Variants in PTPRO observed in about 807,000 individuals in gnomAD.
PTPRO encodes protein tyrosine phosphatase receptor type O.
PTPRO carries 62 observed loss-of-function variants against 145.2 expected under a neutral mutation model. The observed-to-expected ratio is 0.43, with a 90% CI of 0.35 to 0.53. PTPRO has a LOEUF of 0.53. Among genes scored for constraint, PTPRO ranks in the 20% least tolerant of loss-of-function variants. The pLI is 0.01. For synonymous variants in PTPRO, 565 were observed against 514.7 expected, an observed-to-expected ratio of 1.10 and a Z score of -1.32; for missense variants, 1,345 against 1,482.7, an observed-to-expected ratio of 0.91 and a Z score of 1.53.
intron 1 of PTPRO, among the ~76,000 whole-genome samples, chr12:15,444,830 A>T (rs1476704178): frequency 6.6e-5 from 10 of 152,120 alleles, no homozygotes; most frequent in Admixed American, 2.0e-4. Context: ...TTTATAAGCT[A>T]TCTAGTCCAT....
Position 15,546,022 on chromosome 12 carries a change from A to T in PTPRO, c.2165-547A>T, listed in dbSNP as rs1274043251. Among the ~76,000 whole-genome samples the T allele has an allele frequency of 2.6e-5, 4 of 152,154 alleles. No individual in the cohort carries two copies. The East Asian group carries it at 7.7e-4, about 29-fold the overall frequency. ...AGAGTGAGACCCCCGCCTCAAAAAA[A>T]AAAAAAAATGATACTATCTGTTTAG... On this transcript the variant is annotated intron_variant, in intron 12 of 26. Coordinates refer to ENST00000281171, the MANE Select transcript of PTPRO (RefSeq NM_030667.3).
In PTPRO at chr12:15,508,558, T is replaced by G; in HGVS notation, c.1268-13T>G. On this transcript the variant is annotated splice_polypyrimidine_tract_variant and intron_variant, in intron 6 of 26. Transcript: ENST00000281171. ...CGTGCAGCCTCCCCTGTGTTCCAATTTGAAATGTGCAGGTCCTTCAGGAGA... is the reference window on the plus strand; with the variant it reads ...CGTGCAGCCTCCCCTGTGTTCCAATGTGAAATGTGCAGGTCCTTCAGGAGA... The G allele has an allele frequency of 6.2e-7, 1 of 1,613,536 alleles. No individual in the cohort carries two copies. The highest frequency in any genetic ancestry group is 8.5e-7 in the Non-Finnish European group (1 of 1,179,670).
chr12:15,524,042 C>T (rs1942784209), intron 10 of PTPRO, among the ~76,000 whole-genome samples: 1 of 151,818 alleles, frequency 6.6e-6, no homozygotes, highest in Non-Finnish European at 1.5e-5. Flanking sequence ...GCGATCCACC[C>T]ACCTCAGCTT....
At chr12:15,496,142 G>GTTTTTTTATTTTTTTTTTTTTTTTTT (rs1942099551) in intron 2 of PTPRO, among the ~76,000 whole-genome samples, 1 of 75,366 alleles carries the variant, frequency 1.3e-5, no homozygotes, top group African/African-American at 5.2e-5. Flanking sequence ...TTCTTTTTTT[G>GTTTTTTTATTTTTTTTTTTTTTTTTT]TTTTTTTTTT....
chr12:15,503,696 G>C (rs369375081), intron 5 of PTPRO, among the ~76,000 whole-genome samples: 11 of 152,082 alleles, frequency 7.2e-5, no homozygotes, highest in Admixed American at 7.2e-4. Flanking sequence ...TTTGAATGCC[G>C]TATTTGAGTT....
chr12:15,526,154 G>A lies in PTPRO; in HGVS notation c.2056G>A (p.Val686Ile). The stretch of plus-strand genomic sequence containing the variant: ...GATGATCTTGCAGGTAACACGCAAT[G>A]TCATGACTGCAATTCTCAGCTTGCC... ...KKIKKSVTRN[V>I]MTAILSLPPG... The change falls in exon 12 of 27, where the codon GTC becomes ATC. Residue 686 changes from valine to isoleucine, a missense_variant. This residue lies in a region of PTPRO where 1,130 missense variants were observed against 1,214.7 expected (regional missense o/e 0.93). Transcript: ENST00000281171. The A allele has an allele frequency of 6.2e-7, 1 of 1,613,994 alleles. No individual in the cohort carries two copies. The highest frequency in any genetic ancestry group is 8.5e-7 in the Non-Finnish European group (1 of 1,179,906).
intron 12 of PTPRO, among the ~76,000 whole-genome samples, chr12:15,533,804 T>C (rs1002640637): frequency 1.3e-5 from 2 of 152,164 alleles, no homozygotes; most frequent in African/African-American, 4.8e-5. Flanking sequence ...TGAATCAGAA[T>C]GCCATTGTTA....
chr12:15,401,061 C>T (rs1366826482), intron 1 of PTPRO, among the ~76,000 whole-genome samples: 1 of 152,128 alleles, frequency 6.6e-6, no homozygotes, highest in Non-Finnish European at 1.5e-5. Flanking sequence ...GGAATGCTTC[C>T]TATATGCCCA....
At chr12:15,398,952 T>TCCTACCTAATA (rs1939418317) in intron 1 of PTPRO, among the ~76,000 whole-genome samples, 1 of 152,078 alleles carries the variant, frequency 6.6e-6, no homozygotes, top group African/African-American at 2.4e-5. Context: ...TGGAATGAAT[T>TCCTACCTAATA]GGATAGTTAG....
At chr12:15,486,279 A>G (rs545631502) in intron 2 of PTPRO, among the ~76,000 whole-genome samples, 31 of 152,254 alleles carry the variant, frequency 2.0e-4, no homozygotes, top group African/African-American at 6.5e-4. Context: ...GACCCTTTTG[A>G]CTATATGTAA....
Position 15,515,677 on chromosome 12 carries a change from G to T in PTPRO, c.1585+59G>T, listed in dbSNP as rs1270809332. 7.5e-6 allele frequency: 12 copies of T among 1,603,280 alleles called. No individual in the cohort carries two copies. In the South Asian group the frequency reaches 1.1e-4, roughly 15 times the overall value. On this transcript the variant is annotated intron_variant, in intron 8 of 26. Transcript: ENST00000281171. ...TATATATTAGGGTATTGACGGAGGG[G>T]TGCAATGTGCGAGCTCAAATCATTA...
In PTPRO at chr12:15,587,053, T is replaced by C; in HGVS notation, c.3410+2T>C. On this transcript the variant is annotated splice_donor_variant, in intron 24 of 26. Transcript: ENST00000281171. LOFTEE classifies it high-confidence loss of function. The stretch of plus-strand genomic sequence containing the variant: ...AGGTCCCATGATCATTCACTGCAGG[T>C]AACCTCATCAACTGCATTTTCTATT... The C allele has an allele frequency of 6.2e-7, 1 of 1,614,038 alleles. No individual in the cohort carries two copies. Among genetic ancestry groups the C allele is most frequent in the Non-Finnish European group, 8.5e-7 (1 of 1,179,966 alleles).
At chr12:15,386,354 A>G (rs1463854704) in intron 1 of PTPRO, among the ~76,000 whole-genome samples, 1 of 152,204 alleles carries the variant, frequency 6.6e-6, no homozygotes, top group Non-Finnish European at 1.5e-5. Flanking sequence ...AACAAAAAAT[A>G]ACTTCTACTT....
intron 24 of PTPRO, among the ~76,000 whole-genome samples, chr12:15,587,942 A>G (rs1402405272): frequency 6.6e-6 from 1 of 152,222 alleles, no homozygotes; most frequent in Non-Finnish European, 1.5e-5. Context: ...ATATGTGTGC[A>G]TTCATGTGTG....
intron 1 of PTPRO, among the ~76,000 whole-genome samples, chr12:15,460,922 C>A (rs962206346): frequency 6.6e-5 from 10 of 152,104 alleles, no homozygotes; most frequent in Non-Finnish European, 1.3e-4. Flanking sequence ...CCCTTGTAAA[C>A]CAAAAATAAA....
intron 1 of PTPRO, among the ~76,000 whole-genome samples, chr12:15,382,645 A>G (rs1029774926): frequency 3.3e-5 from 5 of 152,234 alleles, no homozygotes; most frequent in Non-Finnish European, 7.3e-5. Context: ...ACAAAAGGCA[A>G]TATATTCATT....
intron 12 of PTPRO, among the ~76,000 whole-genome samples, chr12:15,530,258 T>A (rs1218664134): frequency 6.6e-6 from 1 of 152,186 alleles, no homozygotes; most frequent in Non-Finnish European, 1.5e-5. Flanking sequence ...AAGGAACAGA[T>A]AGACTTAATT....
intron 1 of PTPRO, among the ~76,000 whole-genome samples, chr12:15,396,460 G>A (rs61012911): frequency 0.031 from 4,646 of 150,704 alleles, 245 homozygotes; most frequent in African/African-American, 0.11. Flanking sequence ...AATTAAATTG[G>A]AGTTATTGAA....
chr12:15,501,666 C>T lies in PTPRO; in HGVS notation c.708C>T (p.Asn236=). ...QNISVRIVNL[N]KNNWEEQSGN... Reference sequence around the variant, plus strand: ...TTTCCGTTCGTATCGTAAACTTGAACAAAAACAACTGGGAAGAACAGAGTG... The same window carrying T: ...TTTCCGTTCGTATCGTAAACTTGAATAAAAACAACTGGGAAGAACAGAGTG... The change falls in exon 5 of 27, where the codon AAC becomes AAT. Residue 236 remains asparagine, a synonymous_variant. Coordinates refer to ENST00000281171, the MANE Select transcript of PTPRO (RefSeq NM_030667.3). 6.2e-7 allele frequency: 1 copy of T among 1,613,872 alleles called. No individual in the cohort carries two copies. The highest frequency in any genetic ancestry group is 1.7e-4 in the Middle Eastern group (1 of 6,060).
Sources: gnomAD v4.1 joint callset for allele counts (sites outside exome capture counted in the v4.1 genomes callset) on GRCh38, gnomAD v4.1.1 for gene constraint, gnomAD v4.1.1 regional missense constraint, MANE v1.5 for transcripts, NCBI Gene and HGNC (gene_info 2026-07-23, HGNC 2026-07-21) for gene names.